The following GRM5 variants were observed in gnomAD, a reference collection of about 807,000 sequenced individuals.
GRM5 encodes metabotropic glutamate receptor 5.
A neutral mutation model predicts 83.1 loss-of-function variants in GRM5; 19 were observed. The observed-to-expected ratio is 0.23, with a 90% CI of 0.16 to 0.34. GRM5 has a LOEUF of 0.34. Ranked by LOEUF, GRM5 falls within the 10% of genes least tolerant of loss-of-function variation. GRM5 has a pLI of 1.00. For synonymous variants in GRM5, 675 were observed against 633.6 expected (o/e 1.07, Z -0.98); for missense variants, 1,160 against 1,588.3 (o/e 0.73, Z 4.58).
chr11:89,021,670 G>C (rs941497236), intron 2 of GRM5, among the ~76,000 whole-genome samples: 1 of 152,098 alleles, frequency 6.6e-6, no homozygotes, highest in Non-Finnish European at 1.5e-5. Context: ...GAAGATGAAC[G>C]GTAGAGCTAA....
At chr11:88,853,796 C>A (rs1279410908) in intron 2 of GRM5, among the ~76,000 whole-genome samples, 1 of 151,260 alleles carries the variant, frequency 6.6e-6, no homozygotes. Flanking sequence ...TCTGCTTTAT[C>A]ATTTTATCCT....
chr11:88,991,992 C>G (rs1304758062), intron 2 of GRM5, among the ~76,000 whole-genome samples: 2 of 152,206 alleles, frequency 1.3e-5, no homozygotes, highest in Non-Finnish European at 1.5e-5. Context: ...GCAATGGCAA[C>G]AAAAGACAAA....
chr11:88,791,880 G>T (rs1943179954), intron 3 of GRM5, among the ~76,000 whole-genome samples: 1 of 151,960 alleles, frequency 6.6e-6, no homozygotes, highest in Non-Finnish European at 1.5e-5. Flanking sequence ...TTTTCACTGG[G>T]CTTTTATGTC....
At chr11:88,853,319 A>T (rs193198884) in intron 2 of GRM5, among the ~76,000 whole-genome samples, 42 of 152,170 alleles carry the variant, frequency 2.8e-4, no homozygotes, top group African/African-American at 1.0e-3. Context: ...TTTTACAATG[A>T]CAATTAAAGA....
rs776573553 is a variant in GRM5 at position 89,047,499 on chromosome 11, C to T, written c.374G>A (p.Gly125Asp). Residue 125 changes from glycine (G) to aspartate (D), a missense_variant, in exon 2 of 10, where the codon GGC becomes GAC. By Grantham distance (94) the Gly-to-Asp change is moderately conservative. Coordinates refer to ENST00000305447, the MANE Select transcript of GRM5 (RefSeq NM_001143831.3). This position sits in a 1 kb window ranked among gnomAD's most constrained non-coding sequence, Gnocchi z 5.1. ...DSLISSEEEE[G>D]LVRCVDGSSS... Reference sequence around the variant, plus strand: ...GGAGCCATCCACACAGCGTACCAAGCCTTCTTCCTCTTCTGAAGAAATGAG... The same window carrying T: ...GGAGCCATCCACACAGCGTACCAAGTCTTCTTCCTCTTCTGAAGAAATGAG... 6.2e-7 allele frequency: 1 copy of T among 1,614,198 alleles called. No homozygotes were observed. Among genetic ancestry groups the T allele is most frequent in the African/African-American group, 1.3e-5 (1 of 75,050 alleles).
intron 3 of GRM5, among the ~76,000 whole-genome samples, chr11:88,800,992 GGATTGTTTCTACTGA>G (rs1216081267): frequency 6.6e-6 from 1 of 152,026 alleles, no homozygotes; most frequent in East Asian, 1.9e-4. Context: ...AAAATATATA[GGATTGTTTCTACTGA>G]TAAATGCTAT....
chr11:88,831,665 C>A lies in GRM5; in HGVS notation c.911+18241G>T, dbSNP rs978034939. ...CTCATGGTGCTGAGGATGAGCCCAC[C>A]CAAATTGCCACTACCACCACAGCTG... On this transcript the variant is annotated intron_variant, in intron 3 of 9. Transcript: ENST00000305447. 3.9e-4 allele frequency among the ~76,000 whole-genome samples: 60 copies of A among 152,270 alleles called. 1 individual carries two copies. Among genetic ancestry groups the A allele is most frequent in the African/African-American group, 1.4e-3 (58 of 41,554 alleles).
At chr11:88,939,423 T>C (rs1291930542) in intron 2 of GRM5, among the ~76,000 whole-genome samples, 1 of 151,754 alleles carries the variant, frequency 6.6e-6, no homozygotes, top group African/African-American at 2.4e-5. Context: ...AAGATAACAG[T>C]AGAGAAAAAT....
chr11:88,901,558 G>A (rs979526511), intron 2 of GRM5, among the ~76,000 whole-genome samples: 4 of 152,138 alleles, frequency 2.6e-5, no homozygotes, highest in Non-Finnish European at 4.4e-5. Context: ...ACACAGCAGA[G>A]CTAGGGAAAT....
chr11:88,519,836 A>T (rs540357662), intron 9 of GRM5, among the ~76,000 whole-genome samples: 1 of 152,318 alleles, frequency 6.6e-6, no homozygotes, highest in African/African-American at 2.4e-5. Flanking sequence ...AAATTTATTG[A>T]ATGCCTATTG....
chr11:88,948,845 A>C (rs71469227), intron 2 of GRM5, among the ~76,000 whole-genome samples: 3,669 of 152,356 alleles, frequency 0.024, 54 homozygotes, highest in Middle Eastern at 0.065. Context: ...AGAAAGTAAT[A>C]CAAATAAGGA....
intron 2 of GRM5, among the ~76,000 whole-genome samples, chr11:88,976,605 T>C (rs1396657013): frequency 6.6e-6 from 1 of 152,234 alleles, no homozygotes; most frequent in Admixed American, 6.5e-5. Flanking sequence ...CATAATAGAT[T>C]TGAGGAGGAG....
At chr11:88,694,720 T>C (rs1271960414) in intron 3 of GRM5, among the ~76,000 whole-genome samples, 3 of 152,170 alleles carry the variant, frequency 2.0e-5, no homozygotes, top group Admixed American at 1.3e-4. Context: ...GAATGTACTT[T>C]CTTGGTTATT....
intron 3 of GRM5, among the ~76,000 whole-genome samples, chr11:88,702,357 A>C (rs936444612): frequency 6.6e-6 from 1 of 151,990 alleles, no homozygotes; most frequent in African/African-American, 2.4e-5. Flanking sequence ...TCAGTGAAAG[A>C]TCTCTGTTGC....
chr11:88,981,992 T>A (rs942840683), intron 2 of GRM5, among the ~76,000 whole-genome samples: 93 of 152,226 alleles, frequency 6.1e-4, no homozygotes, highest in African/African-American at 2.2e-3. Flanking sequence ...TAACTTGAAT[T>A]TTCTATCCTC....
intron 8 of GRM5, among the ~76,000 whole-genome samples, chr11:88,560,388 G>C (rs1047095190): frequency 3.9e-5 from 6 of 151,984 alleles, no homozygotes; most frequent in African/African-American, 1.2e-4. Context: ...GAACTTAACT[G>C]TTTCTAATCC....
At chr11:88,879,653 A>G (rs1342341298) in intron 2 of GRM5, among the ~76,000 whole-genome samples, 2 of 152,028 alleles carry the variant, frequency 1.3e-5, no homozygotes, top group East Asian at 3.9e-4. Context: ...TTCTGTATTT[A>G]TATGAGCATA....
chr11:88,855,238 T>A (rs1245521987), intron 2 of GRM5, among the ~76,000 whole-genome samples: 2 of 151,928 alleles, frequency 1.3e-5, no homozygotes, highest in African/African-American at 4.8e-5. Flanking sequence ...GCTTGTATAC[T>A]ATTTTATCTA....
At chr11:88,917,220 T>C (rs1262069194) in intron 2 of GRM5, among the ~76,000 whole-genome samples, 2 of 152,214 alleles carry the variant, frequency 1.3e-5, no homozygotes, top group Non-Finnish European at 2.9e-5. Context: ...TTCTCTTGTA[T>C]CTTACTGAAG....
Sources: gnomAD v4.1 joint callset for allele counts (sites outside exome capture counted in the v4.1 genomes callset) on GRCh38, gnomAD v4.1.1 for gene constraint, Gnocchi (gnomAD v3.1) non-coding constraint, MANE v1.5 for transcripts, NCBI Gene and HGNC (gene_info 2026-07-23, HGNC 2026-07-21) for gene names.